WASF3: variants seen among roughly 807,000 people sequenced by gnomAD.
WASF3 encodes WASP family member 3, also known as actin-binding protein WASF3.
A neutral mutation model predicts 46.6 loss-of-function variants in WASF3; 11 were observed. The ratio of observed to expected loss-of-function variants is 0.24; its 90% CI spans 0.15 to 0.39. The LOEUF is 0.39. WASF3 is among the 10% of genes least tolerant of loss of function. WASF3 has a pLI of 1.00. For missense variants in WASF3, 576 were observed against 669.8 expected, an observed-to-expected ratio of 0.86 and a Z score of 1.55; for synonymous variants, 242 against 259.7, an observed-to-expected ratio of 0.93 and a Z score of 0.65.
rs1883081059 is a variant in WASF3 at position 26,676,771 on chromosome 13, G to A, written c.716+47G>A. ...CTCAGCCCTGATGCTTGGGCAACTG[G>A]GTACTACCTGGTTTTATTATCATTT... On this transcript the variant is annotated intron_variant, in intron 7 of 9. Coordinates refer to ENST00000335327, the MANE Select transcript of WASF3 (RefSeq NM_006646.6). 2.0e-6 allele frequency: 3 copies of A among 1,533,872 alleles called. No individual in the cohort carries two copies. In the East Asian group the frequency reaches 7.1e-5, roughly 36 times the overall value.
At chr13:26,632,731 C>G (rs563318203) in intron 2 of WASF3, among the ~76,000 whole-genome samples, 1 of 152,100 alleles carries the variant, frequency 6.6e-6, no homozygotes, top group Admixed American at 6.5e-5. Flanking sequence ...CGATTGGAAT[C>G]GTTTCAGAAG....
chr13:26,668,520 C>T (rs1929188), intron 5 of WASF3, among the ~76,000 whole-genome samples: 2 of 152,256 alleles, frequency 1.3e-5, no homozygotes, highest in East Asian at 1.9e-4. Flanking sequence ...CAGGAGCCTG[C>T]GAGTTCTCCA....
rs1240856977 is a variant in WASF3 at position 26,588,070 on chromosome 13, C to G, written c.-108-24891C>G. Among the ~76,000 whole-genome samples, 4 of 152,170 alleles carry G rather than the reference C, an allele frequency of 2.6e-5. No homozygotes were observed. In the East Asian group the frequency reaches 5.8e-4, roughly 22 times the overall value. ...GGGCAAGGTTTGGAATTGGTTGACT[C>G]TAGTTACACAAGACTCAGTCTATTA... On this transcript the variant is annotated intron_variant, in intron 1 of 9. Coordinates refer to ENST00000335327, the MANE Select transcript of WASF3 (RefSeq NM_006646.6).
At chr13:26,652,577 C>T (rs970695626) in intron 3 of WASF3, among the ~76,000 whole-genome samples, 5 of 152,026 alleles carry the variant, frequency 3.3e-5, no homozygotes, top group African/African-American at 9.7e-5. Flanking sequence ...TTTAATTTCC[C>T]GTGAAACATA....
chr13:26,604,408 G>A (rs115863705), intron 1 of WASF3, among the ~76,000 whole-genome samples: 100 of 151,962 alleles, frequency 6.6e-4, no homozygotes, highest in African/African-American at 2.4e-3. Flanking sequence ...TTTAATGAAG[G>A]TCATGATTAG....
At chr13:26,683,769 A>G (rs1883317736) in intron 9 of WASF3, among the ~76,000 whole-genome samples, 1 of 152,204 alleles carries the variant, frequency 6.6e-6, no homozygotes, top group Admixed American at 6.5e-5. Flanking sequence ...CCCCCTGACC[A>G]CAAAACACAT....
At chr13:26,546,423 T>G in the WASF3 span, among the ~76,000 whole-genome samples, 829 of 152,324 alleles carry the variant, frequency 5.4e-3, 5 homozygotes, top group African/African-American at 0.018. Flanking sequence ...AAAAACAGAC[T>G]GGGTGCGGTG....
chr13:26,667,493 A>G (rs569715756), intron 4 of WASF3, 24 bp from the exon 5 acceptor site: 13 of 1,597,920 alleles, frequency 8.1e-6, no homozygotes, highest in African/African-American at 2.7e-5. Context: ...ATATAACTCA[A>G]CTTGGGGGAT....
chr13:26,567,031 A>T (rs1300158235), intron 1 of WASF3, among the ~76,000 whole-genome samples: 1 of 152,216 alleles, frequency 6.6e-6, no homozygotes, highest in African/African-American at 2.4e-5. Flanking sequence ...GTAGTAGGTG[A>T]TGTGCTCAGT....
At chr13:26,629,448 C>T (rs1185609627) in intron 2 of WASF3, among the ~76,000 whole-genome samples, 1 of 152,200 alleles carries the variant, frequency 6.6e-6, no homozygotes, top group African/African-American at 2.4e-5. Context: ...GTGTCCTGCC[C>T]ACAGCTCCAC....
chr13:26,604,620 T>C (rs1339750279), intron 1 of WASF3, among the ~76,000 whole-genome samples: 1 of 152,212 alleles, frequency 6.6e-6, no homozygotes, highest in African/African-American at 2.4e-5. Flanking sequence ...GTCCATTTAG[T>C]AGCAAAATTA....
At chr13:26,590,341 G>T (rs899092517) in intron 1 of WASF3, among the ~76,000 whole-genome samples, 1 of 151,962 alleles carries the variant, frequency 6.6e-6, no homozygotes, top group African/African-American at 2.4e-5. Context: ...ATGTAACATG[G>T]TATTTACTTT....
At chr13:26,609,636 A>G (rs1304536516) in intron 1 of WASF3, 2 of 151,858 alleles carry the variant, frequency 1.3e-5, no homozygotes, top group African/African-American at 4.8e-5. Context: ...TAGTAGTTTA[A>G]TACTTAGGCT....
chr13:26,597,666 C>T (rs1880511944), intron 1 of WASF3, among the ~76,000 whole-genome samples: 1 of 152,088 alleles, frequency 6.6e-6, no homozygotes, highest in Non-Finnish European at 1.5e-5. Context: ...CTTCCTGTGT[C>T]CATGTGTTCT....
At chr13:26,580,610 A>C (rs1474465513) in intron 1 of WASF3, among the ~76,000 whole-genome samples, 1 of 145,436 alleles carries the variant, frequency 6.9e-6, no homozygotes, top group African/African-American at 2.5e-5. Flanking sequence ...GTAGTTTTGA[A>C]ATTTCTTTTT....
intron 2 of WASF3, among the ~76,000 whole-genome samples, chr13:26,627,481 T>C (rs903782637): frequency 5.3e-5 from 8 of 152,198 alleles, no homozygotes; most frequent in Non-Finnish European, 1.2e-4. Context: ...TTCTTTGTTT[T>C]GGTTTTTCAC....
At chr13:26,667,716 A>G (rs758407418) in intron 5 of WASF3, 46 bp downstream of exon 5, 3 of 1,558,142 alleles carry the variant, frequency 1.9e-6, no homozygotes, top group Non-Finnish European at 1.7e-6. Flanking sequence ...ATGAGGGGAG[A>G]GCTGGGCAGA....
chr13:26,674,802 A>C (rs572670068), intron 6 of WASF3, among the ~76,000 whole-genome samples: 1 of 152,336 alleles, frequency 6.6e-6, no homozygotes, highest in Admixed American at 6.5e-5. Context: ...AGAGAATGTG[A>C]ATTTTAAATT....
chr13:26,605,426 G>A (rs1360717434), intron 1 of WASF3, among the ~76,000 whole-genome samples: 2 of 152,160 alleles, frequency 1.3e-5, no homozygotes, highest in Non-Finnish European at 2.9e-5. Context: ...TGATCACAGA[G>A]GCAACTCAGG....
Sources: allele counts gnomAD v4.1 joint callset (sites outside exome capture counted in the v4.1 genomes callset), GRCh38; gene constraint gnomAD v4.1.1; transcripts MANE v1.5; gene names NCBI Gene and HGNC (gene_info 2026-07-23, HGNC 2026-07-21).